Variants in RNLS observed in about 807,000 individuals in gnomAD.
RNLS encodes renalase, FAD dependent amine oxidase, also known as renalase.
RNLS carries 39 observed loss-of-function variants against 39.8 expected under a neutral mutation model. The ratio of observed to expected loss-of-function variants is 0.98; its 90% CI spans 0.76 to 1.28. RNLS has a LOEUF of 1.28. RNLS is among the 50% of genes most tolerant of loss of function. RNLS has a pLI of 0.00. For synonymous variants in RNLS, 147 were observed against 150.7 expected, an observed-to-expected ratio of 0.98 and a Z score of 0.18; for missense variants, 410 against 413.3, an observed-to-expected ratio of 0.99 and a Z score of 0.07.
chr10:88,246,785 C>G, the RNLS span, among the ~76,000 whole-genome samples: 1 of 152,154 alleles, frequency 6.6e-6, no homozygotes, highest in Non-Finnish European at 1.5e-5. Flanking sequence ...TTTCCCAAGT[C>G]TCTTAACACC....
the RNLS span, among the ~76,000 whole-genome samples, chr10:88,260,817 T>G: frequency 6.6e-6 from 1 of 152,246 alleles, no homozygotes; most frequent in Non-Finnish European, 1.5e-5. Flanking sequence ...TGCTATTTAA[T>G]GGAAGGTTAT....
intron 4 of RNLS, among the ~76,000 whole-genome samples, chr10:88,427,300 T>C (rs968468482): frequency 6.6e-6 from 1 of 152,028 alleles, no homozygotes; most frequent in Non-Finnish European, 1.5e-5. Flanking sequence ...AATCAGGGTA[T>C]GGCATTGAGG....
At chr10:88,288,324 A>G (rs1201551669) in intron 6 of RNLS, among the ~76,000 whole-genome samples, 3 of 152,174 alleles carry the variant, frequency 2.0e-5, no homozygotes, top group Admixed American at 6.6e-5. Flanking sequence ...GGATTCGAAC[A>G]TAGCAGGCTG....
chr10:88,194,361 G>C, the RNLS span, among the ~76,000 whole-genome samples: 1 of 152,190 alleles, frequency 6.6e-6, no homozygotes, highest in African/African-American at 2.4e-5. Flanking sequence ...GAGCAAAATT[G>C]CTCCTGGTTC....
chr10:88,364,902 T>G (rs888889343), intron 4 of RNLS, among the ~76,000 whole-genome samples: 1 of 152,122 alleles, frequency 6.6e-6, no homozygotes, highest in African/African-American at 2.4e-5. Flanking sequence ...TCCCATTTTT[T>G]AAATAAAAAA....
At chr10:88,455,135 T>G (rs1028493878) in intron 4 of RNLS, among the ~76,000 whole-genome samples, 1 of 152,138 alleles carries the variant, frequency 6.6e-6, no homozygotes, top group African/African-American at 2.4e-5. Flanking sequence ...TAGTATGTAC[T>G]AAGTACTATG....
At position 88,406,192 on chromosome 10, in the gene RNLS, C is replaced by A. The variant is rs372907793; in HGVS notation, c.527-43467G>T. ...GTCTTAACTTTGGATAACCTAATGA[C>A]AATGTGCCTAGGCAAAGATATTTTT... On this transcript the variant is annotated intron_variant, in intron 4 of 6. Coordinates refer to ENST00000331772, the MANE Select transcript of RNLS (RefSeq NM_001031709.3). Among the ~76,000 whole-genome samples, 11 of 152,152 alleles carry A rather than the reference C, an allele frequency of 7.2e-5. No individual in the cohort carries two copies. The East Asian group carries it at 1.4e-3, about 19-fold the overall frequency.
chr10:88,235,616 T>C, the RNLS span, among the ~76,000 whole-genome samples: 1 of 152,208 alleles, frequency 6.6e-6, no homozygotes, highest in Non-Finnish European at 1.5e-5. Context: ...CCCCTCCACC[T>C]AGATTCAAAA....
chr10:88,424,201 A>T (rs1854574970), intron 4 of RNLS, among the ~76,000 whole-genome samples: 1 of 152,210 alleles, frequency 6.6e-6, no homozygotes, highest in African/African-American at 2.4e-5. Context: ...CATGCATAAT[A>T]GTGCCTGGCA....
At chr10:88,507,856 T>C (rs1845881670) in intron 4 of RNLS, among the ~76,000 whole-genome samples, 4 of 152,176 alleles carry the variant, frequency 2.6e-5, no homozygotes, top group Admixed American at 2.6e-4. Flanking sequence ...GCCACAAGCA[T>C]GATTTTGAGC....
chr10:88,578,591 A>G (rs1850344494), intron 3 of RNLS, among the ~76,000 whole-genome samples: 1 of 152,112 alleles, frequency 6.6e-6, no homozygotes, highest in Admixed American at 6.6e-5. Flanking sequence ...AAAATAAACA[A>G]AGAAAAATTT....
At chr10:88,514,622 G>A (rs1457639854) in intron 4 of RNLS, among the ~76,000 whole-genome samples, 5 of 151,874 alleles carry the variant, frequency 3.3e-5, no homozygotes, top group East Asian at 1.9e-4. Context: ...GTTTTCTTGC[G>A]TTTGACTCTT....
chr10:88,298,475 T>C (rs1379894383), intron 6 of RNLS, among the ~76,000 whole-genome samples: 1 of 152,208 alleles, frequency 6.6e-6, no homozygotes, highest in Non-Finnish European at 1.5e-5. Context: ...ACCTTGCATA[T>C]TTAGGTTTTT....
chr10:88,437,173 T>C (rs1238442447), intron 4 of RNLS, among the ~76,000 whole-genome samples: 1 of 152,210 alleles, frequency 6.6e-6, no homozygotes, highest in African/African-American at 2.4e-5. Context: ...GATGGGAAAG[T>C]GATAGACTGT....
At chr10:88,366,044 G>A (rs185368187) in intron 4 of RNLS, among the ~76,000 whole-genome samples, 4 of 152,230 alleles carry the variant, frequency 2.6e-5, no homozygotes, top group African/African-American at 9.6e-5. Flanking sequence ...AAAGCAGAAA[G>A]ATAAAGTCCC....
the RNLS span, among the ~76,000 whole-genome samples, chr10:88,264,439 G>C: frequency 6.6e-6 from 1 of 152,030 alleles, no homozygotes; most frequent in African/African-American, 2.4e-5. Flanking sequence ...TTCTACCAGA[G>C]GTGTAAAAGT....
chr10:88,176,042 T>A, the RNLS span, among the ~76,000 whole-genome samples: 1 of 152,330 alleles, frequency 6.6e-6, no homozygotes, highest in East Asian at 1.9e-4. Context: ...TGCTTTTGGT[T>A]TCTGTTTGTG....
chr10:88,548,261 C>CAAAAAAAAAAAAA (rs869175046), intron 4 of RNLS, among the ~76,000 whole-genome samples: 49 of 32,406 alleles, frequency 1.5e-3, no homozygotes, highest in South Asian at 2.4e-3. Flanking sequence ...GACTCCGTCT[C>CAAAAAAAAAAAAA]AAAAAAAAAA....
intron 4 of RNLS, among the ~76,000 whole-genome samples, chr10:88,377,775 T>A (rs978329535): frequency 5.9e-5 from 9 of 152,234 alleles, no homozygotes; most frequent in Admixed American, 5.2e-4. Context: ...TTATATACAC[T>A]GTACACATAG....
Sources: gnomAD v4.1 joint callset for allele counts (sites outside exome capture counted in the v4.1 genomes callset) on GRCh38, gnomAD v4.1.1 for gene constraint, MANE v1.5 for transcripts, NCBI Gene and HGNC (gene_info 2026-07-23, HGNC 2026-07-21) for gene names.